Variants in KLHDC4 observed in about 807,000 individuals in gnomAD.
KLHDC4 encodes the protein kelch domain-containing protein 4.
KLHDC4 carries 90 observed loss-of-function variants against 62.4 expected under a neutral mutation model. The ratio of observed to expected loss-of-function variants is 1.44; its 90% CI spans 1.22 to 1.72. The LOEUF is 1.72. KLHDC4 is among the 40% of genes most tolerant of loss of function. The probability of loss-of-function intolerance (pLI) is 0.00; values close to 1 mark genes in which losing one functional copy is unlikely to be tolerated. For synonymous variants in KLHDC4, 386 were observed against 284.4 expected, an observed-to-expected ratio of 1.36 and a Z score of -3.59; for missense variants, 1,025 against 699.7, an observed-to-expected ratio of 1.47 and a Z score of -5.25.
At chr16:87,748,906 G>A (rs189364683) in intron 4 of KLHDC4, 97 bp from the exon 5 acceptor site, 33 of 1,392,580 alleles carry the variant, frequency 2.4e-5, no homozygotes, top group South Asian at 2.8e-5. Context: ...GTACTATCTC[G>A]GATGCCCTGC....
At chr16:87,711,899 C>T (rs571777042) in intron 8 of KLHDC4, among the ~76,000 whole-genome samples, 1 of 133,840 alleles carries the variant, frequency 7.5e-6, no homozygotes, top group Non-Finnish European at 1.5e-5. Flanking sequence ...GAACCTTCAC[C>T]CAGGGGGCTG....
At chr16:87,743,569 T>C (rs969978266) in intron 5 of KLHDC4, among the ~76,000 whole-genome samples, 1 of 151,760 alleles carries the variant, frequency 6.6e-6, no homozygotes, top group African/African-American at 2.4e-5. Context: ...TGAAACCCCG[T>C]CTCTACTTAA....
chr16:87,758,015 C>G (rs1245530847), intron 2 of KLHDC4, among the ~76,000 whole-genome samples: 1 of 152,172 alleles, frequency 6.6e-6, no homozygotes. Context: ...AGACGGCGTT[C>G]CCCAAGGCGT....
chr16:87,728,568 G>C (rs914776917), intron 6 of KLHDC4, among the ~76,000 whole-genome samples: 1 of 152,214 alleles, frequency 6.6e-6, no homozygotes, highest in Non-Finnish European at 1.5e-5. Context: ...TAACCTGTAA[G>C]TTCAAAGGAG....
chr16:87,738,057 A>G (rs1372147368), intron 5 of KLHDC4, among the ~76,000 whole-genome samples: 1 of 152,154 alleles, frequency 6.6e-6, no homozygotes. Flanking sequence ...ACCCCAGGTT[A>G]CTGTGGAGTC....
chr16:87,728,117 G>A (rs188207939), intron 6 of KLHDC4, among the ~76,000 whole-genome samples: 1,897 of 152,290 alleles, frequency 0.012, 22 homozygotes, highest in Non-Finnish European at 0.02. Flanking sequence ...AACCTACGAG[G>A]TGGAGGCTAC....
intron 13 of KLHDC4, chr16:87,702,464 C>CA: frequency 2.8e-6 from 1 of 362,526 alleles, no homozygotes; most frequent in Non-Finnish European, 5.5e-6. Flanking sequence ...CCCGCGTCCC[C>CA]AAATGTAGCC....
rs959411285 is a variant in KLHDC4 at position 87,757,614 on chromosome 16, G to C, written c.192-1137C>G. ...ATTACATAATAATATTATGGGCCAG[G>C]CCCGGTGGCTCACACTTGTAATCCC... On this transcript the variant is annotated intron_variant, in intron 2 of 11. Coordinates refer to ENST00000270583, the MANE Select transcript of KLHDC4 (RefSeq NM_017566.4). Among the ~76,000 whole-genome samples, 6 of 152,236 alleles carry C rather than the reference G, an allele frequency of 3.9e-5. No homozygotes were observed. The South Asian group carries it at 1.0e-3, about 26-fold the overall frequency.
chr16:87,715,553 C>T (rs982716418), intron 7 of KLHDC4, among the ~76,000 whole-genome samples: 53 of 152,282 alleles, frequency 3.5e-4, no homozygotes, highest in African/African-American at 1.1e-3. Context: ...TGAGCTTCTC[C>T]GACTCTCCTT....
chr16:87,703,989 C>T (rs1252101197), downstream of KLHDC4, among the ~76,000 whole-genome samples: 1 of 152,258 alleles, frequency 6.6e-6, no homozygotes, highest in African/African-American at 2.4e-5. Context: ...AGGAGAGCAG[C>T]GGTCACTAGC....
intron 7 of KLHDC4, among the ~76,000 whole-genome samples, chr16:87,719,000 T>A (rs2037685780): frequency 6.7e-6 from 1 of 149,622 alleles, no homozygotes; most frequent in Non-Finnish European, 1.5e-5. Context: ...AGCCGCCCCC[T>A]CCGGGAAGTG....
At chr16:87,728,289 T>C (rs1354220145) in intron 6 of KLHDC4, among the ~76,000 whole-genome samples, 2 of 152,222 alleles carry the variant, frequency 1.3e-5, no homozygotes, top group African/African-American at 2.4e-5. Flanking sequence ...ATCTGAGGAA[T>C]GTGGAAATGT....
chr16:87,708,626 G>C (rs1012459838), intron 10 of KLHDC4, 160 bp from the exon 11 acceptor site: 7 of 449,000 alleles, frequency 1.6e-5, no homozygotes, highest in Non-Finnish European at 2.3e-5. Flanking sequence ...GATCCACAAA[G>C]GAAACAGACT....
At chr16:87,715,871 G>A (rs116068217) in intron 7 of KLHDC4, among the ~76,000 whole-genome samples, 2,036 of 152,302 alleles carry the variant, frequency 0.013, 53 homozygotes, top group African/African-American at 0.047. Context: ...TAGTGACACA[G>A]ACTTCAGGCA....
At chr16:87,706,583 C>T (rs1413923836), downstream of KLHDC4, among the ~76,000 whole-genome samples, 1 of 152,218 alleles carries the variant, frequency 6.6e-6, no homozygotes, top group African/African-American at 2.4e-5. Flanking sequence ...CCAGAGCCTT[C>T]CCCTTTCTGA....
chr16:87,719,223 A>G (rs1168587195), intron 7 of KLHDC4, among the ~76,000 whole-genome samples: 1 of 152,280 alleles, frequency 6.6e-6, no homozygotes, highest in African/African-American at 2.4e-5. Flanking sequence ...TTTGTCAAAT[A>G]GAAAAGGGGG....
chr16:87,740,882 G>T (rs1474670798), intron 5 of KLHDC4: 1 of 152,176 alleles, frequency 6.6e-6, no homozygotes, highest in Non-Finnish European at 1.5e-5. Context: ...ACAGTACGGA[G>T]ATCTATGCTG....
chr16:87,731,439 G>C (rs990893551), intron 5 of KLHDC4, among the ~76,000 whole-genome samples: 3 of 151,578 alleles, frequency 2.0e-5, no homozygotes, highest in Non-Finnish European at 4.4e-5. Flanking sequence ...TGATCAGAAA[G>C]TTCGTAAGAT....
chr16:87,747,623 G>C (rs539313203), intron 5 of KLHDC4: 1 of 152,242 alleles, frequency 6.6e-6, no homozygotes, highest in Non-Finnish European at 1.5e-5. Context: ...CCTCCAGCAG[G>C]TGGGCCCAGG....
Sources: gnomAD v4.1 joint callset for allele counts (sites outside exome capture counted in the v4.1 genomes callset) on GRCh38, gnomAD v4.1.1 for gene constraint, MANE v1.5 for transcripts, NCBI Gene and HGNC (gene_info 2026-07-23, HGNC 2026-07-21) for gene names.